Variants in CDH15 observed in about 807,000 individuals in gnomAD.
The protein encoded by CDH15 is cadherin-15.
A neutral mutation model predicts 69.4 loss-of-function variants in CDH15; 73 were observed. The observed-to-expected ratio is 1.05, with a 90% CI of 0.87 to 1.28. CDH15 has a LOEUF of 1.28. Ranked by LOEUF, CDH15 falls within the 50% of genes most tolerant of loss-of-function variation. The pLI is 0.00. For missense variants in CDH15, 1,343 were observed against 1,133.6 expected, an observed-to-expected ratio of 1.18 and a Z score of -2.65; for synonymous variants, 624 against 507.7, an observed-to-expected ratio of 1.23 and a Z score of -3.08.
At position 89,191,736 on chromosome 16, in the gene CDH15, C is replaced by T. The variant is rs1291742051; in HGVS notation, c.1457C>T (p.Pro486Leu). Reference sequence around the variant, plus strand: ...GACCATGCACCTGTGCTGGCCCCGCCGCCGCCGGGCAGCCTGTGCAGCGAG... The same window carrying T: ...GACCATGCACCTGTGCTGGCCCCGCTGCCGCCGGGCAGCCTGTGCAGCGAG... ...VNDHAPVLAP[P>L]PPGSLCSEPH... is the part of the protein sequence containing the mutation. Residue 486 changes from proline to leucine, a missense_variant, in exon 10 of 14, where the codon CCG (proline) becomes CTG (leucine). Physicochemically the swap from Pro to Leu is moderately conservative, Grantham distance 98. Transcript: ENST00000289746. The T allele has an allele frequency of 3.1e-6, 5 of 1,604,364 alleles. No individual in the cohort carries two copies. Among genetic ancestry groups the T allele is most frequent in the South Asian group, 1.1e-5 (1 of 90,888 alleles).
In CDH15 at chr16:89,192,812, C is replaced by T. The variant is rs560440052; in HGVS notation, c.1855+368C>T. On this transcript the variant is annotated intron_variant, in intron 11 of 13. Coordinates refer to ENST00000289746, the MANE Select transcript of CDH15 (RefSeq NM_004933.3). ...CCCGCCCCCTCATTACCAGCCTCGCCGCTTCCTCCCCAGCTCCTCCTCCTC... is the reference window on the plus strand; with the variant it reads ...CCCGCCCCCTCATTACCAGCCTCGCTGCTTCCTCCCCAGCTCCTCCTCCTC... Among the ~76,000 whole-genome samples the T allele has an allele frequency of 4.2e-4, 10 of 24,046 alleles. 1 individual carries two copies. The highest frequency in any genetic ancestry group is 7.6e-4 in the Non-Finnish European group (10 of 13,132). The allele number at this position is 24,046 out of a possible 152,430, so 15.8% of individuals were successfully genotyped here. A position where few individuals can be genotyped will look rare whatever the true frequency, so the allele number is the denominator to read the frequency against.
At chr16:89,172,405 T>C (rs866850159) in intron 1 of CDH15, among the ~76,000 whole-genome samples, 11 of 152,022 alleles carry the variant, frequency 7.2e-5, no homozygotes, top group Admixed American at 3.3e-4. Context: ...CGGCTACTTC[T>C]CGATTGGGAG....
At chr16:89,186,928 C>T (rs541232702) in intron 5 of CDH15, among the ~76,000 whole-genome samples, 3 of 150,270 alleles carry the variant, frequency 2.0e-5, no homozygotes, top group African/African-American at 7.4e-5. Context: ...TAAACGCTTA[C>T]CCAGCACACA....
rs797005014 is a variant in CDH15, at chr16:89,188,495, G to C, written c.978+210G>C. On this transcript the variant is annotated intron_variant, in intron 7 of 13. Coordinates refer to ENST00000289746, the MANE Select transcript of CDH15 (RefSeq NM_004933.3). Reference sequence around the variant, plus strand: ...CCACACACAGATGCCGGCACACACAGATGCCGGCACACACAGATGCCCACA... The same window carrying C: ...CCACACACAGATGCCGGCACACACACATGCCGGCACACACAGATGCCCACA... Among the ~76,000 whole-genome samples, 71 of 115,038 alleles carry C rather than the reference G, an allele frequency of 6.2e-4. 1 individual carries two copies. Among genetic ancestry groups the C allele is most frequent in the African/African-American group, 1.5e-3 (47 of 32,022 alleles). The allele number at this position is 115,038 out of a possible 152,430, so 75.5% of individuals were successfully genotyped here. A position where few individuals can be genotyped will look rare whatever the true frequency, so the allele number is the denominator to read the frequency against.
chr16:89,176,378 G>A (rs548411704), intron 1 of CDH15, among the ~76,000 whole-genome samples: 2 of 152,288 alleles, frequency 1.3e-5, no homozygotes, highest in African/African-American at 4.8e-5. Context: ...CTGTGGTTTT[G>A]CAGGGGGAGG....
chr16:89,193,771 G>A lies in CDH15; in HGVS notation c.2009G>A (p.Ser670Asn). 6.2e-7 allele frequency: 1 copy of A among 1,604,572 alleles called. No individual in the cohort carries two copies. Among genetic ancestry groups the A allele is most frequent in the Non-Finnish European group, 8.5e-7 (1 of 1,179,028 alleles). ...GEEDQDAYDI[S>N]QLRHPTALSL... ...CGCCCACAGGACGCCTACGACATCAGCCAGCTGCGTCACCCGACAGCGCTG... is the reference window on the plus strand; with the variant it reads ...CGCCCACAGGACGCCTACGACATCAACCAGCTGCGTCACCCGACAGCGCTG... The change falls in exon 13 of 14, where the codon AGC becomes AAC. Residue 670 changes from serine (S) to asparagine (N), a missense_variant. By Grantham distance (46) the Ser-to-Asn change is conservative. Transcript: ENST00000289746.
At position 89,193,687 on chromosome 16, in the gene CDH15, C is replaced by T; in HGVS notation, c.1993-68C>T. On this transcript the variant is annotated intron_variant, in intron 12 of 13. Coordinates refer to ENST00000289746, the MANE Select transcript of CDH15 (RefSeq NM_004933.3). ...TTCTTACAACAAGCTGGCCAGGAGC[C>T]TGTACCTGAGACCTCCACCAGGGCC... The T allele has an allele frequency of 2.5e-6, 4 of 1,572,932 alleles. No individual in the cohort carries two copies. The East Asian group carries it at 7.1e-5, about 28-fold the overall frequency.
intron 10 of CDH15, 150 bp downstream of exon 10, chr16:89,192,044 C>T: frequency 8.4e-7 from 1 of 1,183,566 alleles, no homozygotes; most frequent in East Asian, 2.6e-5. Context: ...CCACTGCATC[C>T]TCCCGTGGGG....
At chr16:89,186,340 G>C (rs76953799) in intron 5 of CDH15, 250 of 82,576 alleles carry the variant, frequency 3.0e-3, no homozygotes, top group Admixed American at 3.4e-3. Flanking sequence ...GCTCTGTAAA[G>C]GCTCACCCAG....
chr16:89,180,163 G>A lies in CDH15; in HGVS notation c.202-37G>A, dbSNP rs374515605. On this transcript the variant is annotated intron_variant, in intron 2 of 13. Transcript: ENST00000289746. ...GCAGAGAGGGCAGAGGCCCCCGCCC[G>A]GAGCAGCTCTCCCCAAACCCATTTC... The A allele has an allele frequency of 8.5e-5, 136 of 1,607,278 alleles. 1 individual carries two copies. Among genetic ancestry groups the A allele is most frequent in the Admixed American group, 4.9e-4 (29 of 59,732 alleles).
chr16:89,173,155 T>C (rs1194175875), intron 1 of CDH15, among the ~76,000 whole-genome samples: 2 of 152,084 alleles, frequency 1.3e-5, no homozygotes, highest in Non-Finnish European at 2.9e-5. Context: ...TGGCTCAGCA[T>C]GCGTGCTCAC....
At chr16:89,178,032 C>T (rs1020953706) in intron 1 of CDH15, among the ~76,000 whole-genome samples, 2 of 152,206 alleles carry the variant, frequency 1.3e-5, no homozygotes, top group Non-Finnish European at 2.9e-5. Context: ...GTACGGTGAC[C>T]GCATTTTTAA....
intron 1 of CDH15, among the ~76,000 whole-genome samples, chr16:89,175,957 G>A (rs891780695): frequency 6.6e-6 from 1 of 152,252 alleles, no homozygotes. Context: ...CTGCCTGTGG[G>A]GACCTCTGTG....
rs374563128 is a variant in CDH15, at chr16:89,190,407, G to A, written c.1143G>A (p.Arg381=). 5.0e-6 allele frequency: 8 copies of A among 1,612,266 alleles called. No homozygotes were observed. In the African/African-American group the frequency reaches 8.0e-5, roughly 16 times the overall value. ...EPPVFQENPL[R]TSLAEGAPPG... ...CCGTGTTCCAGGAGAACCCACTTCG[G>A]ACCAGCCTAGCAGAGGGGGCACCCC... The change falls in exon 8 of 14, where the codon CGG becomes CGA. Residue 381 remains arginine, a synonymous_variant. Coordinates refer to ENST00000289746, the MANE Select transcript of CDH15 (RefSeq NM_004933.3).
rs541198116 is a variant in CDH15, at chr16:89,180,077, C to T, written c.202-123C>T. 9.1e-4 allele frequency: 963 copies of T among 1,062,200 alleles called. 1 individual carries two copies. Among genetic ancestry groups the T allele is most frequent in the Middle Eastern group, 4.1e-3 (14 of 3,408 alleles). The allele number at this position is 1,062,200 out of a possible 1,614,324, so 65.8% of individuals were successfully genotyped here. On this transcript the variant is annotated intron_variant, in intron 2 of 13. Transcript: ENST00000289746. ...CTCCTCATTGGGTACCAGGATCCGTCCTCCAGTCCTAGGAGACTTAGACCT... is the reference window on the plus strand; with the variant it reads ...CTCCTCATTGGGTACCAGGATCCGTTCTCCAGTCCTAGGAGACTTAGACCT...
intron 3 of CDH15, 64 bp downstream of exon 3, chr16:89,180,419 C>T (rs1915351126): frequency 1.9e-6 from 3 of 1,546,766 alleles, no homozygotes; most frequent in Non-Finnish European, 2.6e-6. Flanking sequence ...CAGTGCCCCT[C>T]CTCCCCACCA....
intron 11 of CDH15, 44 bp from the exon 12 acceptor site, chr16:89,193,426 C>G (rs1275621131): frequency 6.7e-7 from 1 of 1,489,744 alleles, no homozygotes; most frequent in Non-Finnish European, 9.0e-7. Flanking sequence ...CCCCTGAAGT[C>G]GCGCCCTGTG....
At chr16:89,177,211 C>A (rs560304654) in intron 1 of CDH15, among the ~76,000 whole-genome samples, 1 of 149,396 alleles carries the variant, frequency 6.7e-6, no homozygotes, top group Non-Finnish European at 1.5e-5. Flanking sequence ...GGGTCTCTCA[C>A]CCCCACAGCC....
chr16:89,180,074 C>T (rs555840691), intron 2 of CDH15, 126 bp from the exon 3 acceptor site: 338 of 1,036,534 alleles, frequency 3.3e-4, no homozygotes, highest in Non-Finnish European at 4.5e-4. Context: ...TACCAGGATC[C>T]GTCCTCCAGT....
Sources: gnomAD v4.1 joint callset for allele counts (sites outside exome capture counted in the v4.1 genomes callset) on GRCh38, gnomAD v4.1.1 for gene constraint, MANE v1.5 for transcripts, NCBI Gene and HGNC (gene_info 2026-07-23, HGNC 2026-07-21) for gene names.